USP15: variants seen among roughly 807,000 people sequenced by gnomAD.
The protein encoded by USP15 is ubiquitin specific peptidase 15.
In USP15, 18 loss-of-function variants were observed where a neutral mutation model predicts 127.1. That is an observed-to-expected ratio of 0.14 (90% CI 0.10 to 0.21). The LOEUF is 0.21. Ranked by LOEUF, USP15 falls within the 10% of genes least tolerant of loss-of-function variation. USP15 has a pLI of 1.00. For synonymous variants in USP15, 364 were observed against 393.7 expected, an observed-to-expected ratio of 0.92 and a Z score of 0.89; for missense variants, 805 against 1,159.9, an observed-to-expected ratio of 0.69 and a Z score of 4.44.
chr12:62,319,978 T>C (rs2064938566), intron 4 of USP15, among the ~76,000 whole-genome samples: 2 of 152,216 alleles, frequency 1.3e-5, no homozygotes, highest in South Asian at 4.1e-4. Context: ...TGTTTCTTGA[T>C]CTTGGTGCAA....
rs1404062960 is a variant in USP15 at position 62,410,827 on chromosome 12, A to G, written c.*6452A>G. 6.7e-6 allele frequency: 1 copy of G among 148,352 alleles called. No individual in the cohort carries two copies. Among genetic ancestry groups the G allele is most frequent in the Non-Finnish European group, 1.5e-5 (1 of 67,270 alleles). The allele number at this position is 148,352 out of a possible 1,614,324, so 9.2% of individuals were successfully genotyped here. A position where few individuals can be genotyped will look rare whatever the true frequency, so the allele number is the denominator to read the frequency against. ...GAATTAATAACTAATAGCATTGATG[A>G]GTCAAGTTAATATTTGTTTTTGTTT... On this transcript the variant is annotated 3_prime_UTR_variant, in exon 22 of 22. Transcript: ENST00000280377.
chr12:62,389,749 G>A (rs2067264739), intron 13 of USP15, 48 bp from the exon 14 acceptor site: 2 of 1,598,142 alleles, frequency 1.3e-6, no homozygotes, highest in Non-Finnish European at 8.5e-7. Flanking sequence ...AAAATTAATA[G>A]AAGTAACATA....
chr12:62,262,075 C>T (rs2063081444), intron 1 of USP15, among the ~76,000 whole-genome samples: 1 of 151,630 alleles, frequency 6.6e-6, no homozygotes, highest in African/African-American at 2.4e-5. Flanking sequence ...CCCGTCTCTA[C>T]AAAAATACAA....
intron 3 of USP15, among the ~76,000 whole-genome samples, chr12:62,307,874 T>C (rs968374034): frequency 6.6e-6 from 1 of 152,132 alleles, no homozygotes; most frequent in Non-Finnish European, 1.5e-5. Flanking sequence ...AGACATTTAA[T>C]CATCTCATAT....
At position 62,391,634 on chromosome 12, in the gene USP15, T is replaced by G. The variant is rs183756972; in HGVS notation, c.2234-182T>G. Among the ~76,000 whole-genome samples the G allele has an allele frequency of 1.9e-3, 293 of 152,232 alleles. 3 individuals carry two copies. Among genetic ancestry groups the G allele is most frequent in the African/African-American group, 6.8e-3 (281 of 41,568 alleles). Reference sequence around the variant, plus strand: ...ATGGAGATTGAACTCATGCTTCAGTTTTCTATCTTTTTTTAAACTCTTAAA... The same window carrying G: ...ATGGAGATTGAACTCATGCTTCAGTGTTCTATCTTTTTTTAAACTCTTAAA... On this transcript the variant is annotated intron_variant, in intron 16 of 21. Transcript: ENST00000280377.
chr12:62,378,364 A>C (rs981705770), intron 8 of USP15, among the ~76,000 whole-genome samples: 1 of 152,182 alleles, frequency 6.6e-6, no homozygotes, highest in African/African-American at 2.4e-5. Context: ...TGACTATTGA[A>C]TTTATGTATT....
At chr12:62,262,696 G>C (rs765472316) in intron 1 of USP15, among the ~76,000 whole-genome samples, 4 of 152,116 alleles carry the variant, frequency 2.6e-5, no homozygotes, top group African/African-American at 9.7e-5. Flanking sequence ...TATAGGTACA[G>C]TGTCTCACTA....
intron 6 of USP15, chr12:62,327,524 G>T (rs1481142494): frequency 1.4e-5 from 5 of 348,634 alleles, no homozygotes; most frequent in Non-Finnish European, 2.7e-5. Flanking sequence ...AGTTATTTTT[G>T]AAATTACAAA....
chr12:62,354,087 G>A (rs964566329), intron 7 of USP15, among the ~76,000 whole-genome samples: 1 of 151,396 alleles, frequency 6.6e-6, no homozygotes, highest in South Asian at 2.1e-4. Flanking sequence ...GTAATTTTAG[G>A]TTGGTTTGGT....
At chr12:62,296,699 A>G (rs1339197593) in intron 2 of USP15, among the ~76,000 whole-genome samples, 1 of 152,062 alleles carries the variant, frequency 6.6e-6, no homozygotes, top group Non-Finnish European at 1.5e-5. Context: ...AATTTGTAGT[A>G]CTCCAGATGA....
rs1012244960 is a variant in USP15, at chr12:62,412,980, A to G, written c.*8605A>G. 4 of 152,200 alleles carry G rather than the reference A, an allele frequency of 2.6e-5. No homozygotes were observed. Among genetic ancestry groups the G allele is most frequent in the Admixed American group, 6.5e-5 (1 of 15,282 alleles). The allele number at this position is 152,200 out of a possible 1,614,324, so 9.4% of individuals were successfully genotyped here. ...CACTATCTATGAAAGCTTTTGCCTT[A>G]TAAAATGTATTTCTTGGATGATAAG... On this transcript the variant is annotated 3_prime_UTR_variant, in exon 22 of 22. Coordinates refer to ENST00000280377, the MANE Select transcript of USP15 (RefSeq NM_001252078.2).
chr12:62,353,371 A>G (rs560979035), intron 7 of USP15, among the ~76,000 whole-genome samples: 1 of 152,194 alleles, frequency 6.6e-6, no homozygotes, highest in Non-Finnish European at 1.5e-5. Context: ...AAAGAAGAGT[A>G]GAGCTTCCAG....
chr12:62,403,293 T>C (rs538026664), intron 21 of USP15, among the ~76,000 whole-genome samples: 1 of 152,066 alleles, frequency 6.6e-6, no homozygotes, highest in South Asian at 2.1e-4. Context: ...GGACAGAACA[T>C]AGTATGTTTA....
intron 18 of USP15, 118 bp from the exon 19 acceptor site, chr12:62,392,935 A>G (rs1229291868): frequency 3.7e-6 from 4 of 1,095,174 alleles, no homozygotes; most frequent in Non-Finnish European, 5.2e-6. Context: ...CATATTAGGC[A>G]TACTATAATT....
In USP15 at chr12:62,293,647, C is replaced by G. The variant is rs1265561964; in HGVS notation, c.90-532C>G. On this transcript the variant is annotated intron_variant, in intron 1 of 21. Transcript: ENST00000280377. Reference sequence around the variant, plus strand: ...CTGGGATTACAGGCGTAAGCCACTGCGCCCGGCTGTAATTTTGGTTCTTTT... The same window carrying G: ...CTGGGATTACAGGCGTAAGCCACTGGGCCCGGCTGTAATTTTGGTTCTTTT... 2.6e-5 allele frequency among the ~76,000 whole-genome samples: 4 copies of G among 152,118 alleles called. No individual in the cohort carries two copies. The South Asian group carries it at 8.3e-4, about 31-fold the overall frequency.
intron 1 of USP15, among the ~76,000 whole-genome samples, chr12:62,272,208 GTA>G (rs1447984324): frequency 6.6e-6 from 1 of 151,796 alleles, no homozygotes; most frequent in Non-Finnish European, 1.5e-5. Flanking sequence ...GAGTGAATTA[GTA>G]TCCAGAATTG....
rs1432242810 is a variant in USP15 at position 62,355,324 on chromosome 12, C to T, written c.771-7C>T. On this transcript the variant is annotated splice_polypyrimidine_tract_variant and splice_region_variant and intron_variant, in intron 7 of 21. Transcript: ENST00000280377. Reference sequence around the variant, plus strand: ...TGGCTGCATTATGAAAATTTTTTTTCTTCCAGTGTGAAAAACTCAAATTAC... The same window carrying T: ...TGGCTGCATTATGAAAATTTTTTTTTTTCCAGTGTGAAAAACTCAAATTAC... The T allele has an allele frequency of 6.3e-7, 1 of 1,576,362 alleles. No homozygotes were observed. The highest frequency in any genetic ancestry group is 8.6e-7 in the Non-Finnish European group (1 of 1,164,842).
At chr12:62,277,048 C>T (rs948187562) in intron 1 of USP15, among the ~76,000 whole-genome samples, 3 of 152,080 alleles carry the variant, frequency 2.0e-5, no homozygotes, top group Non-Finnish European at 4.4e-5. Flanking sequence ...GTACTTCATT[C>T]TGTGTGCATA....
intron 11 of USP15, among the ~76,000 whole-genome samples, chr12:62,385,848 G>C (rs1363010312): frequency 6.6e-6 from 1 of 151,952 alleles, no homozygotes; most frequent in Non-Finnish European, 1.5e-5. Context: ...AGAGAGCGTA[G>C]AATAATAAGT....
Sources: allele counts gnomAD v4.1 joint callset (sites outside exome capture counted in the v4.1 genomes callset), GRCh38; gene constraint gnomAD v4.1.1; transcripts MANE v1.5; gene names NCBI Gene and HGNC (gene_info 2026-07-23, HGNC 2026-07-21).